The following SDK2 variants were observed in gnomAD, a reference collection of about 807,000 sequenced individuals.
SDK2 encodes protein sidekick-2.
A neutral mutation model predicts 253.9 loss-of-function variants in SDK2; 105 were observed. The observed-to-expected ratio is 0.41, with a 90% CI of 0.35 to 0.49. SDK2 has a LOEUF of 0.49. Ranked by LOEUF, SDK2 falls within the 20% of genes least tolerant of loss-of-function variation. The probability of loss-of-function intolerance (pLI) is 0.06; values close to 1 mark genes in which losing one functional copy is unlikely to be tolerated. For missense variants in SDK2, 2,608 were observed against 3,003.0 expected, an observed-to-expected ratio of 0.87 and a Z score of 3.07; for synonymous variants, 1,249 against 1,234.9, an observed-to-expected ratio of 1.01 and a Z score of -0.24.
At chr17:73,442,787 G>T (rs1164666936) in intron 5 of SDK2, among the ~76,000 whole-genome samples, 2 of 150,738 alleles carry the variant, frequency 1.3e-5, no homozygotes, top group African/African-American at 2.4e-5. Flanking sequence ...TGATTGAAAT[G>T]AACAAGAACT....
At chr17:73,529,255 A>G (rs561495506) in intron 1 of SDK2, among the ~76,000 whole-genome samples, 147 of 152,272 alleles carry the variant, frequency 9.7e-4, no homozygotes, top group Non-Finnish European at 1.6e-3. Flanking sequence ...CAGCTGAGGG[A>G]GGACCAGGCT....
At chr17:73,432,874 ATGTG>A (rs995803749) in intron 10 of SDK2, among the ~76,000 whole-genome samples, 1 of 151,864 alleles carries the variant, frequency 6.6e-6, no homozygotes, top group African/African-American at 2.4e-5. Flanking sequence ...GTGTGTGCAT[ATGTG>A]TGTGTGTGCA....
In SDK2 at chr17:73,385,831, G is replaced by A; in HGVS notation, c.4569+16C>T. 1.3e-6 allele frequency: 2 copies of A among 1,595,630 alleles called. No individual in the cohort carries two copies. The highest frequency in any genetic ancestry group is 1.7e-6 in the Non-Finnish European group (2 of 1,171,468). ...GTCTGGGTCTTCACGGAGGTTTCCT[G>A]CCCGCTGGGCCATACCTGCCATCGG... On this transcript the variant is annotated intron_variant, in intron 32 of 44. Coordinates refer to ENST00000392650, the MANE Select transcript of SDK2 (RefSeq NM_001144952.2).
chr17:73,484,326 G>A (rs1219873919), intron 2 of SDK2, among the ~76,000 whole-genome samples: 1 of 152,212 alleles, frequency 6.6e-6, no homozygotes, highest in African/African-American at 2.4e-5. Context: ...ATCATGGTGG[G>A]TGGCCAGAGC....
intron 26 of SDK2, 62 bp from the exon 27 acceptor site, chr17:73,393,811 C>T (rs2062948758): frequency 3.0e-6 from 4 of 1,346,244 alleles, no homozygotes; most frequent in Non-Finnish European, 4.0e-6. Flanking sequence ...TACACTTTTC[C>T]CGAGTCTCAT....
At chr17:73,378,185 GC>G (rs1228188417) in intron 36 of SDK2, among the ~76,000 whole-genome samples, 1 of 151,466 alleles carries the variant, frequency 6.6e-6, no homozygotes, top group African/African-American at 2.4e-5. Context: ...TGCAAACTCT[GC>G]CCCCCTGGCT....
At chr17:73,599,223 G>C (rs2045803693) in intron 1 of SDK2, among the ~76,000 whole-genome samples, 1 of 152,162 alleles carries the variant, frequency 6.6e-6, no homozygotes, top group African/African-American at 2.4e-5. Flanking sequence ...GTAGGTAGGA[G>C]GGAGTGAGAA....
intron 1 of SDK2, among the ~76,000 whole-genome samples, chr17:73,551,518 G>T (rs983389779): frequency 4.6e-5 from 7 of 152,206 alleles, no homozygotes; most frequent in African/African-American, 1.7e-4. Flanking sequence ...GGTGTCAGGG[G>T]TGACTTGGAA....
At chr17:73,384,568 C>T (rs1449018283) in intron 32 of SDK2, among the ~76,000 whole-genome samples, 8 of 152,178 alleles carry the variant, frequency 5.3e-5, no homozygotes, top group East Asian at 1.9e-4. Context: ...GAACCGGCTT[C>T]GGGAGAAGGT....
rs74538431 is a variant in SDK2 at position 73,551,249 on chromosome 17, C to T, written c.65-43652G>A. Among the ~76,000 whole-genome samples, 690 of 152,304 alleles carry T rather than the reference C, an allele frequency of 4.5e-3. 4 individuals carry two copies. Among genetic ancestry groups the T allele is most frequent in the South Asian group, 0.027 (130 of 4,822 alleles). ...GCTCCCCATCAGCTTCTGGTGCCTT[C>T]GTGATAAATGCCCACACGCTCCCAC... On this transcript the variant is annotated intron_variant, in intron 1 of 44. Coordinates refer to ENST00000392650, the MANE Select transcript of SDK2 (RefSeq NM_001144952.2).
intron 1 of SDK2, among the ~76,000 whole-genome samples, chr17:73,585,691 A>G (rs1049621594): frequency 2.0e-5 from 3 of 152,118 alleles, no homozygotes; most frequent in African/African-American, 7.2e-5. Context: ...CACACCTTTG[A>G]GTCCAGGGGG....
Position 73,352,388 on chromosome 17 carries a change from G to C in SDK2, c.5758+85C>G. On this transcript the variant is annotated intron_variant, in intron 41 of 44. Coordinates refer to ENST00000392650, the MANE Select transcript of SDK2 (RefSeq NM_001144952.2). The surrounding 1 kb of genome is among the most constrained non-coding windows in gnomAD (Gnocchi z 4.1). Reference sequence around the variant, plus strand: ...CGCCCCATGCTCCTGGTGCCCTGGTGCCTCTCCTCCTTCCGCCCTGCCCAG... The same window carrying C: ...CGCCCCATGCTCCTGGTGCCCTGGTCCCTCTCCTCCTTCCGCCCTGCCCAG... 6.8e-7 allele frequency: 1 copy of C among 1,478,680 alleles called. No individual in the cohort carries two copies. Among genetic ancestry groups the C allele is most frequent in the Non-Finnish European group, 9.1e-7 (1 of 1,097,916 alleles). 91.6% of individuals were successfully genotyped at this position (1,478,680 alleles called of 1,614,324 possible).
chr17:73,374,787 A>G (rs2062764050), intron 36 of SDK2, among the ~76,000 whole-genome samples: 1 of 152,064 alleles, frequency 6.6e-6, no homozygotes, highest in Non-Finnish European at 1.5e-5. Context: ...AGCAAATTCT[A>G]CCAGCTCTGC....
intron 1 of SDK2, among the ~76,000 whole-genome samples, chr17:73,599,662 A>T (rs1486536806): frequency 6.6e-6 from 1 of 152,168 alleles, no homozygotes; most frequent in Non-Finnish European, 1.5e-5. Flanking sequence ...AGGGGAACAC[A>T]CATTAAGCCA....
chr17:73,427,317 TAGC>T, intron 12 of SDK2, among the ~76,000 whole-genome samples: 1 of 152,316 alleles, frequency 6.6e-6, no homozygotes, highest in African/African-American at 2.4e-5. Flanking sequence ...GAATATTCCA[TAGC>T]AGGATCAACA....
chr17:73,540,125 C>T (rs949031746), intron 1 of SDK2, among the ~76,000 whole-genome samples: 4 of 152,032 alleles, frequency 2.6e-5, no homozygotes, highest in Non-Finnish European at 4.4e-5. Context: ...CCACCAGAGA[C>T]GGGGTCATGC....
chr17:73,577,960 G>A (rs2045479422), intron 1 of SDK2, among the ~76,000 whole-genome samples: 1 of 152,146 alleles, frequency 6.6e-6, no homozygotes, highest in Admixed American at 6.5e-5. Context: ...CAGAAGGGGA[G>A]TGAGTGTCAG....
At chr17:73,478,009 C>T (rs2063697930) in intron 2 of SDK2, among the ~76,000 whole-genome samples, 1 of 152,180 alleles carries the variant, frequency 6.6e-6, no homozygotes, top group East Asian at 1.9e-4. Context: ...ATTCACAATT[C>T]AAAATTCAAA....
Position 73,455,979 on chromosome 17 carries a change from G to A in SDK2, c.406C>T (p.Arg136Cys), listed in dbSNP as rs750328692. Residue 136 changes from arginine to cysteine, a missense_variant, in exon 4 of 45, where the codon CGC (arginine) becomes TGC (cysteine). By Grantham distance (180) the Arg-to-Cys change is radical (BLOSUM62 -3). This residue lies in a region of SDK2 where 1,505 missense variants were observed against 1,859.1 expected (regional missense o/e 0.81). Coordinates refer to ENST00000392650, the MANE Select transcript of SDK2 (RefSeq NM_001144952.2). This position sits in a 1 kb window ranked among gnomAD's most constrained non-coding sequence, Gnocchi z 5.0. ...HGEAAVIRAPRIASFPQPQVT... is the reference protein window; with the variant it reads ...HGEAAVIRAPCIASFPQPQVT... ...TGTGGCTGGGGGAAGCTGGCGATGC[G>A]CGGGGCACGGATGACAGCTGCTTCT... 1.6e-5 allele frequency: 25 copies of A among 1,548,572 alleles called. No homozygotes were observed. Among genetic ancestry groups the A allele is most frequent in the South Asian group, 8.3e-5 (7 of 83,838 alleles).
Sources: gnomAD v4.1 joint callset for allele counts (sites outside exome capture counted in the v4.1 genomes callset) on GRCh38, gnomAD v4.1.1 for gene constraint, gnomAD v4.1.1 regional missense constraint, Gnocchi (gnomAD v3.1) non-coding constraint, MANE v1.5 for transcripts, NCBI Gene and HGNC (gene_info 2026-07-23, HGNC 2026-07-21) for gene names.